Variants in DOCK1 observed in about 807,000 individuals in gnomAD.
The protein encoded by DOCK1 is dedicator of cytokinesis protein 1.
Under a neutral mutation model 262.7 loss-of-function variants are expected in DOCK1, and 138 were observed. The ratio of observed to expected loss-of-function variants is 0.53; its 90% CI spans 0.46 to 0.61. The LOEUF is 0.61. Among genes scored for constraint, DOCK1 ranks in the 20% least tolerant of loss-of-function variants. The pLI is 0.00. For synonymous variants in DOCK1, 866 were observed against 867.4 expected (o/e 1.00, Z 0.03); for missense variants, 1,908 against 2,370.7 (o/e 0.80, Z 4.05).
intron 27 of DOCK1, chr10:127,146,099 A>G (rs779927392): frequency 3.1e-5 from 16 of 509,616 alleles, no homozygotes; most frequent in South Asian, 2.3e-4. Flanking sequence ...AAATCTCCAT[A>G]CTCATCTAAA....
At chr10:127,182,880 C>T (rs557439596) in intron 27 of DOCK1, among the ~76,000 whole-genome samples, 4 of 152,116 alleles carry the variant, frequency 2.6e-5, no homozygotes, top group Admixed American at 2.0e-4. Flanking sequence ...TCCCACTGAC[C>T]CTGGAGGCTT....
chr10:127,288,772 TTCAC>T (rs2061247681), intron 29 of DOCK1, among the ~76,000 whole-genome samples: 1 of 99,628 alleles, frequency 1.0e-5, no homozygotes, highest in Non-Finnish European at 1.9e-5. Flanking sequence ...ATGTATATAT[TTCAC>T]ACACACACAC....
Position 127,362,058 on chromosome 10 carries a change from T to A in DOCK1, c.3284-6T>A. The A allele has an allele frequency of 1.3e-6, 2 of 1,599,328 alleles. No homozygotes were observed. The highest frequency in any genetic ancestry group is 1.7e-6 in the Non-Finnish European group (2 of 1,175,056). On this transcript the variant is annotated splice_region_variant and splice_polypyrimidine_tract_variant and intron_variant, in intron 32 of 51. Coordinates refer to ENST00000623213, the MANE Select transcript of DOCK1 (RefSeq NM_001290223.2). ...ATTTCTGAATATTGTACCTCTTTTT[T>A]CCAAGGTCAACACAAGATAAAGTTC...
At chr10:126,996,586 C>T (rs548793662) in intron 6 of DOCK1, among the ~76,000 whole-genome samples, 162 bp from the exon 7 acceptor site, 1 of 140,194 alleles carries the variant, frequency 7.1e-6, no homozygotes, top group South Asian at 2.2e-4. Flanking sequence ...ACATTTTAAG[C>T]TAAAGAAAGC....
rs752623435 is a variant in DOCK1, at chr10:127,175,602, G to T, written c.2847+47838G>T. ...AGAGTCTGACAAACCAGGCTCGGGGGCCCTGGCACTGAGGGCAGGTGCGTA... is the reference window on the plus strand; with the variant it reads ...AGAGTCTGACAAACCAGGCTCGGGGTCCCTGGCACTGAGGGCAGGTGCGTA... On this transcript the variant is annotated intron_variant, in intron 27 of 51. Transcript: ENST00000623213. The surrounding 1 kb of genome is among the most constrained non-coding windows in gnomAD (Gnocchi z 6.3). The T allele has an allele frequency of 6.2e-7, 1 of 1,612,686 alleles. No individual in the cohort carries two copies. Among genetic ancestry groups the T allele is most frequent in the East Asian group, 2.2e-5 (1 of 44,868 alleles).
At chr10:127,043,245 T>G in intron 21 of DOCK1, 81 bp downstream of exon 21, 2 of 1,123,868 alleles carry the variant, frequency 1.8e-6, no homozygotes, top group Non-Finnish European at 2.6e-6. Flanking sequence ...TGTACTTTTG[T>G]CTATGACTGT....
intron 21 of DOCK1, among the ~76,000 whole-genome samples, chr10:127,049,968 CTTT>C (rs71941085): frequency 5.0e-5 from 5 of 100,068 alleles, no homozygotes; most frequent in Admixed American, 1.2e-4. Context: ...AAACTGGCCT[CTTT>C]TTTTTTTTTT....
intron 47 of DOCK1, 105 bp downstream of exon 47, chr10:127,426,116 G>A: frequency 1.3e-6 from 2 of 1,546,662 alleles, no homozygotes; most frequent in Non-Finnish European, 1.8e-6. Flanking sequence ...TGTACACATG[G>A]TGCCCGCTTA....
chr10:127,232,714 T>G (rs2058897654), intron 27 of DOCK1, among the ~76,000 whole-genome samples: 1 of 152,224 alleles, frequency 6.6e-6, no homozygotes, highest in African/African-American at 2.4e-5. Context: ...ACAAGTGGAC[T>G]TCATTTCATG....
At chr10:127,042,851 G>T (rs1299800959) in intron 20 of DOCK1, 137 bp downstream of exon 20, 1 of 967,104 alleles carries the variant, frequency 1.0e-6, no homozygotes, top group Non-Finnish European at 1.5e-6. Context: ...GAGATGAATT[G>T]GGGTGGCAGA....
intron 29 of DOCK1, among the ~76,000 whole-genome samples, chr10:127,337,109 A>T (rs1254399101): frequency 1.3e-5 from 2 of 152,132 alleles, no homozygotes. Flanking sequence ...GGGAAAAAAA[A>T]TTGTGTTAGT....
At position 127,437,782 on chromosome 10, in the gene DOCK1, C is replaced by T. The variant is rs2069797869; in HGVS notation, c.5061-1245C>T. 6.6e-6 allele frequency among the ~76,000 whole-genome samples: 1 copy of T among 152,212 alleles called. No individual in the cohort carries two copies. Among genetic ancestry groups the T allele is most frequent in the African/African-American group, 2.4e-5 (1 of 41,452 alleles). On this transcript the variant is annotated intron_variant, in intron 48 of 51. Transcript: ENST00000623213. The surrounding 1 kb of genome is among the most constrained non-coding windows in gnomAD (Gnocchi z 4.4). ...GCATGAGCCACCATGCCCGGCCCTG[C>T]AATGGCCTTCTTAATGAGAACAGTG...
At chr10:127,253,351 C>A (rs1055217845) in intron 28 of DOCK1, among the ~76,000 whole-genome samples, 2 of 152,184 alleles carry the variant, frequency 1.3e-5, no homozygotes, top group Non-Finnish European at 2.9e-5. Flanking sequence ...TACACTCTCA[C>A]ACTTCTGTGA....
chr10:127,166,959 A>G (rs2054141621), intron 27 of DOCK1, among the ~76,000 whole-genome samples: 1 of 152,036 alleles, frequency 6.6e-6, no homozygotes, highest in African/African-American at 2.4e-5. Flanking sequence ...CTATTTTGGC[A>G]TTCTGCACAG....
chr10:126,985,830 C>T (rs2039340526), intron 4 of DOCK1, among the ~76,000 whole-genome samples: 1 of 152,008 alleles, frequency 6.6e-6, no homozygotes, highest in South Asian at 2.1e-4. Context: ...TGATGGTGGC[C>T]CATGAAAGGG....
At chr10:127,256,919 A>G (rs574572694) in intron 28 of DOCK1, among the ~76,000 whole-genome samples, 52 of 152,354 alleles carry the variant, frequency 3.4e-4, no homozygotes, top group Middle Eastern at 6.8e-3. Context: ...AACAGACAGT[A>G]GTATCCCGTA....
chr10:127,325,365 GCTAA>G (rs1463356043), intron 29 of DOCK1, among the ~76,000 whole-genome samples: 4 of 152,162 alleles, frequency 2.6e-5, no homozygotes, highest in African/African-American at 9.7e-5. Context: ...CTTTCGTTTT[GCTAA>G]CTGTGTGTCA....
chr10:127,427,610 C>T (rs1298830272), intron 47 of DOCK1, among the ~76,000 whole-genome samples: 1 of 152,184 alleles, frequency 6.6e-6, no homozygotes, highest in African/African-American at 2.4e-5. Flanking sequence ...ACCCATGGTT[C>T]AAGCCCTATC....
intron 29 of DOCK1, among the ~76,000 whole-genome samples, chr10:127,307,040 A>G (rs887970317): frequency 6.6e-6 from 1 of 152,240 alleles, no homozygotes; most frequent in Admixed American, 6.5e-5. Context: ...TAGTAATGTT[A>G]ATTTGATAAC....
Sources: allele counts gnomAD v4.1 joint callset (sites outside exome capture counted in the v4.1 genomes callset), GRCh38; gene constraint gnomAD v4.1.1; non-coding constraint Gnocchi (gnomAD v3.1); transcripts MANE v1.5; gene names NCBI Gene and HGNC (gene_info 2026-07-23, HGNC 2026-07-21).